SPPL2A: variants seen among roughly 807,000 people sequenced by gnomAD.
The protein encoded by SPPL2A is signal peptide peptidase like 2A, also known as signal peptide peptidase-like 2A.
A neutral mutation model predicts 63.8 loss-of-function variants in SPPL2A; 51 were observed. That is an observed-to-expected ratio of 0.80 (90% CI 0.64 to 1.01). The LOEUF (loss-of-function observed/expected upper bound fraction) is 1.01. Ranked by LOEUF, SPPL2A falls within the 50% of genes least tolerant of loss-of-function variation. The pLI is 0.00. For missense variants in SPPL2A, 553 were observed against 622.7 expected, an observed-to-expected ratio of 0.89 and a Z score of 1.19; for synonymous variants, 188 against 205.8, an observed-to-expected ratio of 0.91 and a Z score of 0.74.
At chr15:50,735,455 T>A (rs2062762503) in intron 8 of SPPL2A, among the ~76,000 whole-genome samples, 1 of 151,972 alleles carries the variant, frequency 6.6e-6, no homozygotes, top group African/African-American at 2.4e-5. Flanking sequence ...AGAGCTGCAC[T>A]GCACTCAACT....
rs142427505 is a variant in SPPL2A, at chr15:50,751,429, T to C, written c.67-1683A>G. On this transcript the variant is annotated intron_variant, in intron 1 of 14. Coordinates refer to ENST00000261854, the MANE Select transcript of SPPL2A (RefSeq NM_032802.4). ...CAGTTCTAGCTAAAGAAGATAATCCTGCAGATAAACATGAAGGTTGCTTAG... is the reference window on the plus strand; with the variant it reads ...CAGTTCTAGCTAAAGAAGATAATCCCGCAGATAAACATGAAGGTTGCTTAG... 9.0e-4 allele frequency among the ~76,000 whole-genome samples: 137 copies of C among 152,340 alleles called. 1 individual carries two copies. The highest frequency in any genetic ancestry group is 1.9e-3 in the Non-Finnish European group (132 of 68,026).
chr15:50,747,859 A>C, intron 4 of SPPL2A: 1 of 476,672 alleles, frequency 2.1e-6, no homozygotes, highest in Non-Finnish European at 3.7e-6. Flanking sequence ...TTTGTTCAGG[A>C]ACCTAAAGTT....
At position 50,706,879 on chromosome 15, in the gene SPPL2A, T is replaced by C. The variant is rs920142331; in HGVS notation, c.*921A>G. 1 of 152,100 alleles carries C rather than the reference T, an allele frequency of 6.6e-6. No homozygotes were observed. The highest frequency in any genetic ancestry group is 2.4e-5 in the African/African-American group (1 of 41,406). 9.4% of individuals were successfully genotyped at this position (152,100 alleles called of 1,614,324 possible). ...TCTCCTTTTAGTGACTAGTTCTATA[T>C]ATTATGTTTCTCTATATCTGGAAAA... On this transcript the variant is annotated 3_prime_UTR_variant, in exon 15 of 15. Coordinates refer to ENST00000261854, the MANE Select transcript of SPPL2A (RefSeq NM_032802.4).
chr15:50,718,268 C>T (rs1452148566), intron 14 of SPPL2A, among the ~76,000 whole-genome samples: 6 of 152,056 alleles, frequency 3.9e-5, no homozygotes, highest in Non-Finnish European at 5.9e-5. Context: ...TGAGCCACCG[C>T]GACCGGCTAG....
At chr15:50,753,496 T>C (rs929471844) in intron 1 of SPPL2A, among the ~76,000 whole-genome samples, 4 of 152,234 alleles carry the variant, frequency 2.6e-5, no homozygotes, top group African/African-American at 9.6e-5. Context: ...AAGGATACAA[T>C]GCTAGTTTCA....
rs2062631652 is a variant in SPPL2A, at chr15:50,720,000, G to A, written c.1428C>T (p.Ala476=). Residue 476 remains alanine, a synonymous_variant, in exon 14 of 15, where the codon GCC becomes GCT. Coordinates refer to ENST00000261854, the MANE Select transcript of SPPL2A (RefSeq NM_032802.4). ...CCTTACGTCTCCAGGCAACAACTGAGGCAGTAATAAGTGTGCAAGGTACTA... is the reference window on the plus strand; with the variant it reads ...CCTTACGTCTCCAGGCAACAACTGAAGCAGTAATAAGTGTGCAAGGTACTA... ...LYLVPCTLIT[A]SVVAWRRKEM... 8 of 1,613,772 alleles carry A rather than the reference G, an allele frequency of 5.0e-6. No individual in the cohort carries two copies. The highest frequency in any genetic ancestry group is 4.5e-5 in the East Asian group (2 of 44,860).
In SPPL2A at chr15:50,757,089, C is replaced by CT. The variant is rs57100103; in HGVS notation, c.67-7344dup. Among the ~76,000 whole-genome samples, 83 of 128,310 alleles carry CT rather than the reference C, an allele frequency of 6.5e-4. 3 individuals carry two copies. The highest frequency in any genetic ancestry group is 1.2e-3 in the South Asian group (5 of 4,086). 84.2% of individuals were successfully genotyped at this position (128,310 alleles called of 152,430 possible). On this transcript the variant is annotated intron_variant, in intron 1 of 14. Transcript: ENST00000261854. ...GTTCCTCCCACATCCTAAATCCTTT[C>CT]TTTTTTTTTTTGAGACAGAGTCTCA... is the stretch of plus-strand genomic sequence containing the variant.
chr15:50,712,741 G>A (rs1203777459), intron 14 of SPPL2A, among the ~76,000 whole-genome samples: 1 of 134,712 alleles, frequency 7.4e-6, no homozygotes, highest in Non-Finnish European at 1.5e-5. Context: ...GTGCAGTGAT[G>A]CGATCTCGAT....
At chr15:50,735,066 G>A (rs752317117) in intron 8 of SPPL2A, among the ~76,000 whole-genome samples, 6 of 151,878 alleles carry the variant, frequency 4.0e-5, no homozygotes, top group Admixed American at 1.3e-4. Context: ...CACCATGCCC[G>A]GCTAATTCTG....
intron 1 of SPPL2A, among the ~76,000 whole-genome samples, chr15:50,753,339 C>T (rs111667833): frequency 1.8e-4 from 28 of 152,158 alleles, no homozygotes; most frequent in African/African-American, 6.8e-4. Context: ...GTGAGGGAGC[C>T]AGCATGCCCA....
chr15:50,757,089 C>CTTTCTTTTTTTTTTT (rs537107994), intron 1 of SPPL2A, among the ~76,000 whole-genome samples: 36 of 128,384 alleles, frequency 2.8e-4, no homozygotes, highest in African/African-American at 1.0e-3. Flanking sequence ...TAAATCCTTT[C>CTTTCTTTTTTTTTTT]TTTTTTTTTT....
At chr15:50,733,769 C>G (rs1160833344) in intron 8 of SPPL2A, among the ~76,000 whole-genome samples, 1 of 151,600 alleles carries the variant, frequency 6.6e-6, no homozygotes, top group East Asian at 1.9e-4. Context: ...ACCCATCTGA[C>G]AAGCAATTAA....
At position 50,702,605 on chromosome 15, in the gene SPPL2A, G is replaced by C. The variant is rs903218111; in HGVS notation, c.*5195C>G. 6.6e-6 allele frequency: 1 copy of C among 152,138 alleles called. No homozygotes were observed. The highest frequency in any genetic ancestry group is 1.5e-5 in the Non-Finnish European group (1 of 68,010). The allele number at this position is 152,138 out of a possible 1,614,324, so 9.4% of individuals were successfully genotyped here. On this transcript the variant is annotated 3_prime_UTR_variant, in exon 15 of 15. Coordinates refer to ENST00000261854, the MANE Select transcript of SPPL2A (RefSeq NM_032802.4). ...AAAATTACCTAATTTACATTGACTT[G>C]TCCTACTAGAAAATGTTGCAGGTTA...
At chr15:50,732,190 A>G (rs1461068518) in intron 9 of SPPL2A, among the ~76,000 whole-genome samples, 1 of 152,174 alleles carries the variant, frequency 6.6e-6, no homozygotes, top group Admixed American at 6.6e-5. Flanking sequence ...GAAGAGTTAG[A>G]AGGGGTGAGG....
At position 50,707,969 on chromosome 15, in the gene SPPL2A, A is replaced by G. The variant is rs1425054111; in HGVS notation, c.1489-95T>C. 6 of 720,708 alleles carry G rather than the reference A, an allele frequency of 8.3e-6. No homozygotes were observed. In the African/African-American group the frequency reaches 1.0e-4, roughly 13 times the overall value. 44.6% of individuals were successfully genotyped at this position (720,708 alleles called of 1,614,324 possible). ...AAAGGATTCTTTTTCTAAAAAACAC[A>G]GATTGCTCTATGAAACTGAGCACTC... On this transcript the variant is annotated intron_variant, in intron 14 of 14. Coordinates refer to ENST00000261854, the MANE Select transcript of SPPL2A (RefSeq NM_032802.4).
Position 50,725,270 on chromosome 15 carries a change from C to G in SPPL2A, c.1200G>C (p.Val400=). Residue 400 remains valine, a synonymous_variant, in exon 12 of 15, where the codon GTG becomes GTC. Coordinates refer to ENST00000261854, the MANE Select transcript of SPPL2A (RefSeq NM_032802.4). ...CCAATATTGAAACAGGCATGAGGCACACACTCATTACTGAGAAATAGATCA... is the reference window on the plus strand; with the variant it reads ...CCAATATTGAAACAGGCATGAGGCAGACACTCATTACTGAGAAATAGATCA... ...PKLIYFSVMS[V]CLMPVSILGF... is the part of the protein sequence containing the mutation. 1 of 1,609,996 alleles carries G rather than the reference C, an allele frequency of 6.2e-7. No homozygotes were observed. The highest frequency in any genetic ancestry group is 1.7e-5 in the Admixed American group (1 of 59,612).
rs1196710672 is a variant in SPPL2A at position 50,703,356 on chromosome 15, A to ATATATATTTTTTTTTTTTTTTT, written c.*4443_*4444insAAAAAAAAAAAAAAAATATATA. On this transcript the variant is annotated 3_prime_UTR_variant, in exon 15 of 15. Transcript: ENST00000261854. ...TATATATATATATATACATATATATATTTTTTTTTTTTTTTTTTTTTTTTG... is the reference window on the plus strand; with the variant it reads ...TATATATATATATATACATATATATATATATATTTTTTTTTTTTTTTTTTTTTTTTTTTTTTTTTTTTTTTTG... 1.6e-5 allele frequency: 1 copy of ATATATATTTTTTTTTTTTTTTT among 62,046 alleles called. No homozygotes were observed. The highest frequency in any genetic ancestry group is 2.8e-5 in the Non-Finnish European group (1 of 35,146). 3.8% of individuals were successfully genotyped at this position (62,046 alleles called of 1,614,324 possible).
intron 14 of SPPL2A, among the ~76,000 whole-genome samples, chr15:50,719,321 T>C (rs534569692): frequency 1.3e-5 from 2 of 152,282 alleles, no homozygotes; most frequent in East Asian, 3.9e-4. Context: ...CTTGGCTCAC[T>C]GCAACCTCTG....
In SPPL2A at chr15:50,703,812, C is replaced by A. The variant is rs149389064; in HGVS notation, c.*3988G>T. On this transcript the variant is annotated 3_prime_UTR_variant, in exon 15 of 15. Coordinates refer to ENST00000261854, the MANE Select transcript of SPPL2A (RefSeq NM_032802.4). ...CTCATGCACTCCATAAATATATACA[C>A]CTACATGTACCCACAATTTTTAAAA... 2 of 152,050 alleles carry A rather than the reference C, an allele frequency of 1.3e-5. No individual in the cohort carries two copies. Among genetic ancestry groups the A allele is most frequent in the Non-Finnish European group, 2.9e-5 (2 of 67,994 alleles). The allele number at this position is 152,050 out of a possible 1,614,324, so 9.4% of individuals were successfully genotyped here.
Sources: gnomAD v4.1 joint callset for allele counts (sites outside exome capture counted in the v4.1 genomes callset) on GRCh38, gnomAD v4.1.1 for gene constraint, MANE v1.5 for transcripts, NCBI Gene and HGNC (gene_info 2026-07-23, HGNC 2026-07-21) for gene names.